Variants in KATNAL2 observed in about 807,000 individuals in gnomAD.
KATNAL2 encodes katanin p60 ATPase-containing subunit A-like 2.
In KATNAL2, 52 loss-of-function variants were observed where a neutral mutation model predicts 76.3. The ratio of observed to expected loss-of-function variants is 0.68; its 90% CI spans 0.55 to 0.86. The LOEUF (loss-of-function observed/expected upper bound fraction) is 0.86. Among genes scored for constraint, KATNAL2 ranks in the 40% least tolerant of loss-of-function variants. The pLI is 0.00. For synonymous variants in KATNAL2, 243 were observed against 244.2 expected (o/e 1.00, Z 0.05); for missense variants, 660 against 668.9 (o/e 0.99, Z 0.15).
chr18:47,085,558 T>G (rs955004469), intron 15 of KATNAL2, among the ~76,000 whole-genome samples: 1 of 152,142 alleles, frequency 6.6e-6, no homozygotes, highest in African/African-American at 2.4e-5. Flanking sequence ...AGATGTCTTT[T>G]AAAGTTTTTG....
chr18:47,070,851 C>A (rs1159671612), intron 13 of KATNAL2, among the ~76,000 whole-genome samples: 1 of 152,116 alleles, frequency 6.6e-6, no homozygotes, highest in Non-Finnish European at 1.5e-5. Context: ...TTGTGGAAAT[C>A]TACATTGATA....
chr18:46,926,870 G>C (rs562339891), intron 1 of KATNAL2, among the ~76,000 whole-genome samples: 52 of 152,166 alleles, frequency 3.4e-4, no homozygotes, highest in Non-Finnish European at 6.9e-4. Flanking sequence ...GATCTTTGTT[G>C]GTTTAAAGTT....
chr18:47,084,504 T>C, intron 15 of KATNAL2: 1 of 659,976 alleles, frequency 1.5e-6, no homozygotes, highest in Non-Finnish European at 2.7e-6. Context: ...AGATACCAAG[T>C]TAAAGACAGT....
At chr18:46,922,520 G>A (rs1293770219) in intron 1 of KATNAL2, among the ~76,000 whole-genome samples, 9 of 151,972 alleles carry the variant, frequency 5.9e-5, no homozygotes, top group South Asian at 2.1e-4. Context: ...GAGGCTGGGC[G>A]CGGTGGCTCA....
chr18:46,943,635 G>A (rs964160120), intron 1 of KATNAL2, among the ~76,000 whole-genome samples: 3 of 152,214 alleles, frequency 2.0e-5, no homozygotes, highest in Non-Finnish European at 4.4e-5. Flanking sequence ...ACCAAAAAAT[G>A]GGCAACCAGC....
chr18:47,049,681 A>C (rs1350245245), intron 4 of KATNAL2, among the ~76,000 whole-genome samples: 1 of 152,130 alleles, frequency 6.6e-6, no homozygotes, highest in Non-Finnish European at 1.5e-5. Flanking sequence ...AGGTTTTGCA[A>C]ATCAATTTGG....
At chr18:46,956,868 C>T (rs1021815832) in intron 3 of KATNAL2, among the ~76,000 whole-genome samples, 1 of 151,854 alleles carries the variant, frequency 6.6e-6, no homozygotes, top group Non-Finnish European at 1.5e-5. Context: ...TATGATGAAA[C>T]CCCATCTCTA....
At chr18:47,075,728 G>T (rs1300322611) in intron 14 of KATNAL2, among the ~76,000 whole-genome samples, 2 of 152,186 alleles carry the variant, frequency 1.3e-5, no homozygotes, top group Non-Finnish European at 2.9e-5. Context: ...GCTGCCCCTG[G>T]GGAATGAGTC....
At chr18:46,956,345 C>T (rs1180878390) in intron 3 of KATNAL2, among the ~76,000 whole-genome samples, 1 of 152,162 alleles carries the variant, frequency 6.6e-6, no homozygotes. Flanking sequence ...GACACTAACA[C>T]TACTGATTAT....
chr18:47,033,999 C>T (rs770539652), intron 3 of KATNAL2: 6 of 1,613,838 alleles, frequency 3.7e-6, no homozygotes, highest in Non-Finnish European at 5.1e-6. Context: ...AATCCCAGGA[C>T]TCACGAGTGC....
chr18:46,946,477 T>C lies in KATNAL2; in HGVS notation c.-89T>C. On this transcript the variant is annotated 5_prime_UTR_variant, in exon 2 of 18. An upstream open reading frame in the 5' UTR loses its in-frame stop. Coordinates refer to ENST00000683218, the MANE Select transcript of KATNAL2 (RefSeq NM_001387690.1). ...GAGGAGAAGACGGGACGTCAAAATATAGTCTTGGGTATAGAAGCATTGGGT... is the reference window on the plus strand; with the variant it reads ...GAGGAGAAGACGGGACGTCAAAATACAGTCTTGGGTATAGAAGCATTGGGT... 1 of 985,442 alleles carries C rather than the reference T, an allele frequency of 1.0e-6. No individual in the cohort carries two copies. The highest frequency in any genetic ancestry group is 1.2e-6 in the Non-Finnish European group (1 of 829,934). The allele number at this position is 985,442 out of a possible 1,614,324, so 61.0% of individuals were successfully genotyped here.
intron 3 of KATNAL2, among the ~76,000 whole-genome samples, chr18:47,042,102 C>G (rs2060985158): frequency 1.3e-5 from 2 of 151,956 alleles, no homozygotes; most frequent in African/African-American, 2.4e-5. Context: ...TTTTGGATAC[C>G]AGTCCTTTAT....
At chr18:47,060,294 A>G (rs1003322789) in intron 8 of KATNAL2, among the ~76,000 whole-genome samples, 3 of 152,138 alleles carry the variant, frequency 2.0e-5, no homozygotes, top group Admixed American at 6.5e-5. Flanking sequence ...GTGAGTTGGA[A>G]ACGCATACTC....
chr18:47,075,600 G>A (rs575458868), intron 14 of KATNAL2, among the ~76,000 whole-genome samples: 1 of 152,278 alleles, frequency 6.6e-6, no homozygotes, highest in South Asian at 2.1e-4. Context: ...CCCTTCCCCC[G>A]TTCCCCACAG....
chr18:47,059,050 G>A (rs1206704450), intron 7 of KATNAL2, among the ~76,000 whole-genome samples: 1 of 152,158 alleles, frequency 6.6e-6, no homozygotes, highest in Non-Finnish European at 1.5e-5. Flanking sequence ...GTCAAATAAC[G>A]GAAAGGTATA....
intron 6 of KATNAL2, among the ~76,000 whole-genome samples, chr18:47,056,774 C>A (rs573710902): frequency 6.6e-6 from 1 of 152,188 alleles, no homozygotes; most frequent in South Asian, 2.1e-4. Flanking sequence ...CCTGCCAGCT[C>A]CACAAGGATG....
intron 15 of KATNAL2, among the ~76,000 whole-genome samples, chr18:47,089,806 T>C (rs1173002270): frequency 6.6e-6 from 1 of 152,234 alleles, no homozygotes; most frequent in African/African-American, 2.4e-5. Flanking sequence ...CAAAGCAGAT[T>C]CACCTTCATA....
intron 3 of KATNAL2, among the ~76,000 whole-genome samples, chr18:46,955,162 C>CTTTCTTTCTTTCTTTT: frequency 7.4e-6 from 1 of 135,506 alleles, no homozygotes; most frequent in Admixed American, 7.9e-5. Context: ...TTCTTTCTTT[C>CTTTCTTTCTTTCTTTT]TTTCTTTCTT....
chr18:47,032,800 G>T (rs2060536276), intron 3 of KATNAL2: 1 of 885,324 alleles, frequency 1.1e-6, no homozygotes, highest in Non-Finnish European at 1.7e-6. Flanking sequence ...TGAATTCTGA[G>T]GTGTTCTCCA....
Sources: allele counts gnomAD v4.1 joint callset (sites outside exome capture counted in the v4.1 genomes callset), GRCh38; gene constraint gnomAD v4.1.1; transcripts MANE v1.5; gene names NCBI Gene and HGNC (gene_info 2026-07-23, HGNC 2026-07-21).